The following RFTN2 variants were observed in gnomAD, a reference collection of about 807,000 sequenced individuals.
RFTN2 encodes the protein raftlin-2.
RFTN2 carries 34 observed loss-of-function variants against 52.7 expected under a neutral mutation model. The observed-to-expected ratio is 0.64, with a 90% CI of 0.49 to 0.86. The LOEUF is 0.86. RFTN2 is among the 40% of genes least tolerant of loss of function. The probability of loss-of-function intolerance (pLI) is 0.00; values close to 1 mark genes in which losing one functional copy is unlikely to be tolerated. For missense variants in RFTN2, 536 were observed against 600.1 expected (o/e 0.89, Z 1.12); for synonymous variants, 203 against 217.7 (o/e 0.93, Z 0.59).
At chr2:197,603,167 T>C (rs903980827) in intron 7 of RFTN2, among the ~76,000 whole-genome samples, 3 of 152,212 alleles carry the variant, frequency 2.0e-5, no homozygotes, top group African/African-American at 7.2e-5. Context: ...GGCACATGTA[T>C]ACATGCACGT....
intron 7 of RFTN2, among the ~76,000 whole-genome samples, chr2:197,609,920 T>C (rs1003934951): frequency 6.6e-6 from 1 of 152,202 alleles, no homozygotes; most frequent in Admixed American, 6.5e-5. Flanking sequence ...AAAGATCAGA[T>C]GGTTGTAGAT....
chr2:197,578,345 T>C (rs950921126), intron 8 of RFTN2, among the ~76,000 whole-genome samples: 2 of 151,092 alleles, frequency 1.3e-5, no homozygotes, highest in Admixed American at 6.6e-5. Flanking sequence ...TACTTAGCAC[T>C]GCACCTCTAA....
chr2:197,598,446 A>G (rs1423520814), intron 7 of RFTN2, among the ~76,000 whole-genome samples: 2 of 152,234 alleles, frequency 1.3e-5, no homozygotes, highest in Non-Finnish European at 1.5e-5. Flanking sequence ...TGAAAGAACC[A>G]GGTCTGGAAC....
At chr2:197,599,499 T>TCC (rs1020400969) in intron 7 of RFTN2, among the ~76,000 whole-genome samples, 5 of 150,798 alleles carry the variant, frequency 3.3e-5, no homozygotes, top group Admixed American at 6.6e-5. Context: ...CCCGAGGCAG[T>TCC]GTGAGAAGGA....
At chr2:197,637,951 T>G (rs1055579470) in intron 3 of RFTN2, among the ~76,000 whole-genome samples, 1 of 151,060 alleles carries the variant, frequency 6.6e-6, no homozygotes, top group Non-Finnish European at 1.5e-5. Context: ...TTTGTTCTCG[T>G]TGGTTTCAAA....
intron 4 of RFTN2, among the ~76,000 whole-genome samples, chr2:197,631,541 C>T (rs1559356697): frequency 6.6e-6 from 1 of 152,126 alleles, no homozygotes; most frequent in South Asian, 2.1e-4. Flanking sequence ...TAACATTTTA[C>T]AGTTTGAAAA....
At chr2:197,640,953 C>T (rs2088663570) in intron 3 of RFTN2, among the ~76,000 whole-genome samples, 1 of 152,310 alleles carries the variant, frequency 6.6e-6, no homozygotes, top group South Asian at 2.1e-4. Flanking sequence ...GTGTCTTATC[C>T]TTCTTTGTAT....
intron 8 of RFTN2, among the ~76,000 whole-genome samples, chr2:197,593,580 T>C (rs1033894264): frequency 6.6e-6 from 1 of 151,918 alleles, no homozygotes; most frequent in South Asian, 2.1e-4. Flanking sequence ...TAATGGCCAT[T>C]TGTAGAATGT....
chr2:197,590,468 A>G (rs2087686699), intron 8 of RFTN2, among the ~76,000 whole-genome samples: 1 of 152,186 alleles, frequency 6.6e-6, no homozygotes, highest in South Asian at 2.1e-4. Flanking sequence ...AAATCCAATG[A>G]TACGCTTTCT....
chr2:197,638,544 A>C lies in RFTN2; in HGVS notation c.439-4547T>G, dbSNP rs530323341. Among the ~76,000 whole-genome samples the C allele has an allele frequency of 1.1e-3, 86 of 78,514 alleles. 11 individuals carry two copies. Among genetic ancestry groups the C allele is most frequent in the East Asian group, 6.4e-3 (25 of 3,924 alleles). The allele number at this position is 78,514 out of a possible 152,430, so 51.5% of individuals were successfully genotyped here. On this transcript the variant is annotated intron_variant, in intron 3 of 8. Transcript: ENST00000295049. ...TTGTTGGTTTAAAGTCTGTTTTATC[A>C]GAGACTAGGATTGCAACCCTTGCCT... is the stretch of plus-strand genomic sequence containing the variant.
intron 1 of RFTN2, among the ~76,000 whole-genome samples, chr2:197,674,268 C>T (rs1451408465): frequency 1.6e-5 from 2 of 124,788 alleles, no homozygotes; most frequent in African/African-American, 6.1e-5. Context: ...TGCTGGCCAG[C>T]TTAATTTTTG....
At chr2:197,589,991 C>T (rs2087674993) in intron 8 of RFTN2, among the ~76,000 whole-genome samples, 1 of 152,116 alleles carries the variant, frequency 6.6e-6, no homozygotes, top group African/African-American at 2.4e-5. Flanking sequence ...ACAATAGCCT[C>T]CATCTCCCAG....
chr2:197,640,695 C>A (rs2088657281), intron 3 of RFTN2, among the ~76,000 whole-genome samples: 1 of 152,064 alleles, frequency 6.6e-6, no homozygotes, highest in Non-Finnish European at 1.5e-5. Context: ...CACCCGTCTT[C>A]TGCGTCGCTC....
intron 8 of RFTN2, among the ~76,000 whole-genome samples, chr2:197,595,111 G>A (rs1294729735): frequency 2.6e-5 from 4 of 152,188 alleles, no homozygotes; most frequent in Non-Finnish European, 5.9e-5. Context: ...TGTGCATCCA[G>A]TAAGATCAAG....
At chr2:197,617,248 G>C (rs1377247144) in intron 6 of RFTN2, among the ~76,000 whole-genome samples, 2 of 152,142 alleles carry the variant, frequency 1.3e-5, no homozygotes, top group African/African-American at 4.8e-5. Flanking sequence ...AGTGCCAGGC[G>C]ATGTTTTTTG....
intron 5 of RFTN2, among the ~76,000 whole-genome samples, chr2:197,622,230 G>A (rs1198469842): frequency 2.0e-5 from 3 of 152,214 alleles, no homozygotes; most frequent in Non-Finnish European, 2.9e-5. Flanking sequence ...TGTAGAAGCT[G>A]CAGCAAGTTA....
chr2:197,657,025 TAA>T (rs143003973), intron 1 of RFTN2, among the ~76,000 whole-genome samples: 78 of 150,734 alleles, frequency 5.2e-4, no homozygotes, highest in Non-Finnish European at 8.6e-4. Context: ...GTTAAAAAAA[TAA>T]AAAAAAAAAT....
chr2:197,583,778 C>A (rs533226280), intron 8 of RFTN2, among the ~76,000 whole-genome samples: 1 of 152,140 alleles, frequency 6.6e-6, no homozygotes, highest in East Asian at 1.9e-4. Flanking sequence ...TCCCTCCCCA[C>A]TCCCCCACCC....
chr2:197,640,700 TC>T (rs2088657583), intron 3 of RFTN2, among the ~76,000 whole-genome samples: 1 of 152,204 alleles, frequency 6.6e-6, no homozygotes, highest in South Asian at 2.1e-4. Flanking sequence ...GTCTTCTGCG[TC>T]GCTCACGCCG....
Sources: gnomAD v4.1 joint callset for allele counts (sites outside exome capture counted in the v4.1 genomes callset) on GRCh38, gnomAD v4.1.1 for gene constraint, MANE v1.5 for transcripts, NCBI Gene and HGNC (gene_info 2026-07-23, HGNC 2026-07-21) for gene names.